The following NRXN3 variants were observed in gnomAD, a reference collection of about 807,000 sequenced individuals.
The protein encoded by NRXN3 is neurexin III.
A neutral mutation model predicts 137.6 loss-of-function variants in NRXN3; 32 were observed. The observed-to-expected ratio is 0.23, with a 90% CI of 0.18 to 0.31. The LOEUF (loss-of-function observed/expected upper bound fraction) is 0.31, where lower values mean the gene tolerates loss of function less well. NRXN3 is among the 10% of genes least tolerant of loss of function. NRXN3 has a pLI of 1.00. For missense variants in NRXN3, 1,574 were observed against 2,062.5 expected, an observed-to-expected ratio of 0.76 and a Z score of 4.59; for synonymous variants, 798 against 784.5, an observed-to-expected ratio of 1.02 and a Z score of -0.29.
intron 19 of NRXN3, among the ~76,000 whole-genome samples, chr14:79,735,971 C>G (rs915097370): frequency 6.6e-6 from 1 of 152,044 alleles, no homozygotes; most frequent in South Asian, 2.1e-4. Context: ...AAATTACCAC[C>G]CTTACTTCTT....
At chr14:79,857,434 G>A (rs181089168) in intron 20 of NRXN3, among the ~76,000 whole-genome samples, 1 of 152,188 alleles carries the variant, frequency 6.6e-6, no homozygotes, top group African/African-American at 2.4e-5. Context: ...GTGTTAGCCA[G>A]GATGGTTTCG....
At chr14:78,357,355 G>A (rs1008972041) in intron 4 of NRXN3, among the ~76,000 whole-genome samples, 1 of 152,126 alleles carries the variant, frequency 6.6e-6, no homozygotes, top group Non-Finnish European at 1.5e-5. Context: ...AAGGCCCGCC[G>A]CCATAAATCA....
At chr14:79,214,776 T>C (rs779189369) in intron 15 of NRXN3, among the ~76,000 whole-genome samples, 4 of 152,202 alleles carry the variant, frequency 2.6e-5, no homozygotes, top group Non-Finnish European at 5.9e-5. Flanking sequence ...GGGAAGAAGA[T>C]AGGGGCTCTA....
At chr14:79,275,662 CAAGAT>C (rs143886616) in intron 15 of NRXN3, among the ~76,000 whole-genome samples, 1,723 of 151,782 alleles carry the variant, frequency 0.011, 37 homozygotes, top group African/African-American at 0.039. Flanking sequence ...CAGACCAAAA[CAAGAT>C]AAAGGGTCTG....
At chr14:78,651,417 C>G in intron 6 of NRXN3, 91 bp downstream of exon 6, 1 of 1,374,042 alleles carries the variant, frequency 7.3e-7, no homozygotes, top group South Asian at 1.3e-5. Flanking sequence ...GATCTGTCCT[C>G]AAATCTATGA....
At chr14:79,114,183 A>G (rs2152896311) in intron 15 of NRXN3, among the ~76,000 whole-genome samples, 1 of 152,306 alleles carries the variant, frequency 6.6e-6, no homozygotes, top group African/African-American at 2.4e-5. Flanking sequence ...GAAGGAAGAG[A>G]AGAGGGTCCA....
At chr14:79,272,066 GTCC>G (rs1221366861) in intron 15 of NRXN3, among the ~76,000 whole-genome samples, 1 of 152,008 alleles carries the variant, frequency 6.6e-6, no homozygotes, top group East Asian at 1.9e-4. Context: ...CTTCTTGATG[GTCC>G]CTGCTTTCCC....
chr14:78,515,924 G>T (rs1038200551), intron 4 of NRXN3, among the ~76,000 whole-genome samples: 1 of 152,152 alleles, frequency 6.6e-6, no homozygotes, highest in Admixed American at 6.5e-5. Context: ...CAAATTGGAT[G>T]AGCGCCTTAA....
At chr14:78,870,715 A>G (rs1317747372) in intron 10 of NRXN3, among the ~76,000 whole-genome samples, 1 of 151,854 alleles carries the variant, frequency 6.6e-6, no homozygotes, top group Non-Finnish European at 1.5e-5. Context: ...TCTGGTAGCC[A>G]TCATTCTACT....
At chr14:79,383,275 A>G (rs1387640681) in intron 15 of NRXN3, among the ~76,000 whole-genome samples, 2 of 152,026 alleles carry the variant, frequency 1.3e-5, no homozygotes, top group East Asian at 1.9e-4. Context: ...CAACCCTCCT[A>G]TGCCTTTCAT....
chr14:78,926,744 T>TAA (rs2099295971), intron 10 of NRXN3, among the ~76,000 whole-genome samples: 2 of 60,892 alleles, frequency 3.3e-5, no homozygotes, highest in African/African-American at 2.0e-4. Flanking sequence ...AAAATATATA[T>TAA]TATATATTAT....
chr14:78,621,549 T>A (rs1343529393), intron 4 of NRXN3, among the ~76,000 whole-genome samples: 3 of 152,236 alleles, frequency 2.0e-5, no homozygotes, highest in African/African-American at 7.2e-5. Context: ...AGTGGTTTTC[T>A]TTTCTTTACC....
intron 4 of NRXN3, among the ~76,000 whole-genome samples, chr14:78,339,597 C>G (rs2081928878): frequency 6.6e-6 from 1 of 152,142 alleles, no homozygotes; most frequent in South Asian, 2.1e-4. Context: ...TCTTTGGAAT[C>G]CAACTGCTTG....
chr14:79,042,619 G>A (rs565113001), intron 15 of NRXN3, among the ~76,000 whole-genome samples: 1 of 152,328 alleles, frequency 6.6e-6, no homozygotes, highest in South Asian at 2.1e-4. Flanking sequence ...ATGGGAGTAT[G>A]TATTATTAAA....
At chr14:79,248,411 C>T (rs2075494961) in intron 15 of NRXN3, among the ~76,000 whole-genome samples, 1 of 152,138 alleles carries the variant, frequency 6.6e-6, no homozygotes, top group African/African-American at 2.4e-5. Flanking sequence ...TCTCTCTTCC[C>T]TGTTTGCTGC....
chr14:79,306,887 A>G (rs924756038), intron 15 of NRXN3, among the ~76,000 whole-genome samples: 1 of 152,046 alleles, frequency 6.6e-6, no homozygotes, highest in South Asian at 2.1e-4. Flanking sequence ...AGTTTTCCCC[A>G]TTATTGACTT....
chr14:79,560,214 C>T (rs1170412093), intron 16 of NRXN3, among the ~76,000 whole-genome samples: 1 of 151,968 alleles, frequency 6.6e-6, no homozygotes, highest in Non-Finnish European at 1.5e-5. Context: ...TGTAATATTC[C>T]TTTCTACAGA....
At chr14:79,380,147 TTC>T (rs1491168769) in intron 15 of NRXN3, among the ~76,000 whole-genome samples, 10,233 of 136,918 alleles carry the variant, frequency 0.075, 939 homozygotes, top group East Asian at 0.25. Context: ...GATATACTTC[TTC>T]TTTTTTTTTT....
At chr14:78,615,121 T>G in intron 4 of NRXN3, 1 of 456,592 alleles carries the variant, frequency 2.2e-6, no homozygotes, top group Non-Finnish European at 4.4e-6. Context: ...GTGGATAGAA[T>G]CACAATGGTC....
Sources: gnomAD v4.1 joint callset for allele counts (sites outside exome capture counted in the v4.1 genomes callset) on GRCh38, gnomAD v4.1.1 for gene constraint, MANE v1.5 for transcripts, NCBI Gene and HGNC (gene_info 2026-07-23, HGNC 2026-07-21) for gene names.